CNTN6: variants seen among roughly 807,000 people sequenced by gnomAD.
CNTN6 encodes the protein contactin-6.
A neutral mutation model predicts 122.8 loss-of-function variants in CNTN6; 137 were observed. The ratio of observed to expected loss-of-function variants is 1.12; its 90% CI spans 0.97 to 1.29. CNTN6 has a LOEUF of 1.29. CNTN6 is among the 50% of genes most tolerant of loss of function. CNTN6 has a pLI of 0.00. For synonymous variants in CNTN6, 570 were observed against 426.0 expected (o/e 1.34, Z -4.16); for missense variants, 1,634 against 1,223.4 (o/e 1.34, Z -5.01).
intron 1 of CNTN6, among the ~76,000 whole-genome samples, chr3:1,121,776 A>G (rs2091957848): frequency 6.6e-6 from 1 of 151,924 alleles, no homozygotes; most frequent in Non-Finnish European, 1.5e-5. Flanking sequence ...TCATTTACCT[A>G]TTTTATTACT....
intron 11 of CNTN6, among the ~76,000 whole-genome samples, chr3:1,346,990 A>T (rs1704827803): frequency 6.6e-6 from 1 of 152,192 alleles, no homozygotes; most frequent in Admixed American, 6.5e-5. Flanking sequence ...GAAGATTAAA[A>T]TGTCGCATGT....
chr3:1,241,953 A>G (rs1378713398), intron 4 of CNTN6, among the ~76,000 whole-genome samples: 1 of 152,232 alleles, frequency 6.6e-6, no homozygotes, highest in East Asian at 1.9e-4. Flanking sequence ...GAAAGGCTAC[A>G]GGGTGTGGTC....
At chr3:1,306,450 A>G (rs404804) in intron 7 of CNTN6, among the ~76,000 whole-genome samples, 1,739 of 152,172 alleles carry the variant, frequency 0.011, 38 homozygotes, top group African/African-American at 0.04. Flanking sequence ...AACCCACTAC[A>G]CTCTCACATA....
intron 2 of CNTN6, among the ~76,000 whole-genome samples, chr3:1,197,834 T>G (rs561697514): frequency 6.6e-6 from 1 of 152,188 alleles, no homozygotes; most frequent in African/African-American, 2.4e-5. Context: ...ATAAACTATC[T>G]CAAAGTCTGC....
intron 20 of CNTN6, among the ~76,000 whole-genome samples, chr3:1,393,543 A>AACTT (rs1302866871): frequency 3.4e-4 from 43 of 127,716 alleles, no homozygotes; most frequent in Non-Finnish European, 3.3e-5. Context: ...TGTACCCTAA[A>AACTT]ACTTAAAGAA....
chr3:1,310,715 A>G (rs1431471156), intron 7 of CNTN6, among the ~76,000 whole-genome samples: 1 of 152,148 alleles, frequency 6.6e-6, no homozygotes, highest in Non-Finnish European at 1.5e-5. Flanking sequence ...TCAAGAAAAA[A>G]TAGAGGCCAG....
intron 2 of CNTN6, among the ~76,000 whole-genome samples, chr3:1,171,397 A>G (rs1420266677): frequency 6.6e-6 from 1 of 152,238 alleles, no homozygotes; most frequent in East Asian, 1.9e-4. Flanking sequence ...TTTGTAAACC[A>G]GAATTTTATA....
chr3:1,384,756 TATAC>T (rs1355676916), intron 19 of CNTN6, among the ~76,000 whole-genome samples: 1 of 136,064 alleles, frequency 7.3e-6, no homozygotes. Context: ...TACACATATA[TATAC>T]ATATATATAC....
At chr3:1,385,880 C>T (rs1333632768) in intron 20 of CNTN6, 83 bp downstream of exon 20, 5 of 1,293,502 alleles carry the variant, frequency 3.9e-6, no homozygotes, top group Non-Finnish European at 4.2e-6. Context: ...TTCATTCCCA[C>T]ACCTCATTTC....
At chr3:1,295,108 A>T (rs1695983143) in intron 5 of CNTN6, among the ~76,000 whole-genome samples, 1 of 152,162 alleles carries the variant, frequency 6.6e-6, no homozygotes, top group African/African-American at 2.4e-5. Context: ...AAAAGAAATT[A>T]TGTAATGATC....
Position 1,372,838 on chromosome 3 carries a change from G to C in CNTN6, c.1669G>C (p.Glu557Gln), listed in dbSNP as rs752187182. ...GVAHFERIGG[E>Q]SVGDLMIRNI... ...TCCATTTCTCCCTTTCTGTCTGCAG[G>C]AATCTGTTGGGGATTTGATGATAAG... Residue 557 changes from glutamate (E) to glutamine (Q), a missense_variant and splice_region_variant, in exon 14 of 23, where the codon GAA (glutamate) becomes CAA (glutamine). Physicochemically the swap from Glu to Gln is conservative, Grantham distance 29 (BLOSUM62 2). Coordinates refer to ENST00000446702, the MANE Select transcript of CNTN6 (RefSeq NM_001289080.2). 15 of 1,569,736 alleles carry C rather than the reference G, an allele frequency of 9.6e-6. No individual in the cohort carries two copies. The highest frequency in any genetic ancestry group is 1.2e-5 in the Non-Finnish European group (14 of 1,144,934).
At chr3:1,363,893 C>G (rs1707830182) in intron 12 of CNTN6, among the ~76,000 whole-genome samples, 1 of 152,004 alleles carries the variant, frequency 6.6e-6, no homozygotes, top group Non-Finnish European at 1.5e-5. Context: ...TGTAAGAGCT[C>G]CCTTTTTCCA....
intron 4 of CNTN6, among the ~76,000 whole-genome samples, chr3:1,261,081 T>C (rs2094838944): frequency 6.6e-6 from 1 of 152,156 alleles, no homozygotes. Flanking sequence ...TTGCCACCAG[T>C]GGAAACTAAC....
intron 1 of CNTN6, among the ~76,000 whole-genome samples, chr3:1,111,853 G>A (rs189795777): frequency 1.5e-3 from 221 of 152,254 alleles, no homozygotes; most frequent in African/African-American, 4.7e-3. Flanking sequence ...CCCAGTGGTA[G>A]TATGCTTGTT....
intron 7 of CNTN6, among the ~76,000 whole-genome samples, chr3:1,316,395 C>A (rs1330703098): frequency 1.3e-5 from 2 of 151,640 alleles, no homozygotes; most frequent in Non-Finnish European, 2.9e-5. Flanking sequence ...ATGGCTGGAG[C>A]AGAAGGAAGA....
chr3:1,099,822 T>C (rs918273588), intron 1 of CNTN6, among the ~76,000 whole-genome samples: 5 of 152,208 alleles, frequency 3.3e-5, no homozygotes, highest in Admixed American at 3.3e-4. Flanking sequence ...AGTCTTTTAT[T>C]GGTTTGAGGA....
intron 2 of CNTN6, among the ~76,000 whole-genome samples, chr3:1,189,212 T>C (rs2093667623): frequency 6.6e-6 from 1 of 152,122 alleles, no homozygotes; most frequent in Non-Finnish European, 1.5e-5. Context: ...GTTGGTGCCA[T>C]AAGAGACAAA....
intron 7 of CNTN6, among the ~76,000 whole-genome samples, chr3:1,301,738 C>T (rs140923416): frequency 0.044 from 6,681 of 152,178 alleles, 486 homozygotes; most frequent in African/African-American, 0.15. Flanking sequence ...AAAGCGGTAG[C>T]GTTAAGATGC....
chr3:1,158,380 A>G (rs1230407423), intron 2 of CNTN6, among the ~76,000 whole-genome samples: 1 of 152,114 alleles, frequency 6.6e-6, no homozygotes, highest in Non-Finnish European at 1.5e-5. Context: ...TAATCGCATT[A>G]TTAGATTTTT....
Sources: allele counts gnomAD v4.1 joint callset (sites outside exome capture counted in the v4.1 genomes callset), GRCh38; gene constraint gnomAD v4.1.1; transcripts MANE v1.5; gene names NCBI Gene and HGNC (gene_info 2026-07-23, HGNC 2026-07-21).